The following SLC29A4 variants were observed in gnomAD, a reference collection of about 807,000 sequenced individuals.
SLC29A4 encodes the protein equilibrative nucleoside transporter 4.
In SLC29A4, 36 loss-of-function variants were observed where a neutral mutation model predicts 43.9. The observed-to-expected ratio is 0.82, with a 90% CI of 0.63 to 1.08. The LOEUF is 1.08. SLC29A4 is among the 50% of genes least tolerant of loss of function. The probability of loss-of-function intolerance (pLI) is 0.00; values close to 1 mark genes in which losing one functional copy is unlikely to be tolerated. For missense variants in SLC29A4, 869 were observed against 755.3 expected, an observed-to-expected ratio of 1.15 and a Z score of -1.77; for synonymous variants, 491 against 338.0, an observed-to-expected ratio of 1.45 and a Z score of -4.97.
rs554966514 is a variant in SLC29A4 at position 5,304,617 on chromosome 7, C to G, written c.*1678C>G. The G allele has an allele frequency of 6.6e-6, 1 of 152,302 alleles. No individual in the cohort carries two copies. The highest frequency in any genetic ancestry group is 2.4e-5 in the African/African-American group (1 of 41,486). 9.4% of individuals were successfully genotyped at this position (152,302 alleles called of 1,614,324 possible). A position where few individuals can be genotyped will look rare whatever the true frequency, so the allele number is the denominator to read the frequency against. On this transcript the variant is annotated 3_prime_UTR_variant, in exon 11 of 11. Transcript: ENST00000396872. ...CTCTGCCTTCCAGGTTCAAGCGATT[C>G]TCCTGCCTCAGCCTCTCAAGTAGCT...
At chr7:5,293,012 T>C (rs1167233336) in intron 5 of SLC29A4, among the ~76,000 whole-genome samples, 1 of 151,612 alleles carries the variant, frequency 6.6e-6, no homozygotes, top group East Asian at 1.9e-4. Context: ...ATAATGTTCT[T>C]TATAGCATTT....
chr7:5,294,705 G>A (rs1163419050), intron 5 of SLC29A4, among the ~76,000 whole-genome samples, 155 bp from the exon 6 acceptor site: 1 of 152,170 alleles, frequency 6.6e-6, no homozygotes, highest in Non-Finnish European at 1.5e-5. Flanking sequence ...ACACTGGCTG[G>A]TGTTCCTACT....
rs192605737 is a variant in SLC29A4 at position 5,304,182 on chromosome 7, C to G, written c.*1243C>G. ...CAGTCTTCCCATCTGTGAGGTGGGC[C>G]GGGTGGATCAGGGAGCAGGAGGGTG... is the stretch of plus-strand genomic sequence containing the variant. On this transcript the variant is annotated 3_prime_UTR_variant, in exon 11 of 11. Coordinates refer to ENST00000396872, the MANE Select transcript of SLC29A4 (RefSeq NM_153247.4). The G allele has an allele frequency of 1.3e-5, 2 of 152,520 alleles. No individual in the cohort carries two copies. The highest frequency in any genetic ancestry group is 3.9e-4 in the East Asian group (2 of 5,180). The allele number at this position is 152,520 out of a possible 1,614,324, so 9.4% of individuals were successfully genotyped here. A position where few individuals can be genotyped will look rare whatever the true frequency, so the allele number is the denominator to read the frequency against.
chr7:5,283,471 G>A (rs569583064), intron 1 of SLC29A4, among the ~76,000 whole-genome samples: 1 of 152,226 alleles, frequency 6.6e-6, no homozygotes, highest in South Asian at 2.1e-4. Flanking sequence ...CCTGGGCTCC[G>A]GGGTCACCTC....
chr7:5,291,504 C>T (rs192619447), intron 4 of SLC29A4, among the ~76,000 whole-genome samples, 189 bp from the exon 5 acceptor site: 22 of 152,350 alleles, frequency 1.4e-4, no homozygotes, highest in Admixed American at 1.2e-3. Context: ...AGCTTCAAGG[C>T]CCGGCTCAAA....
chr7:5,305,605 TG>T lies in SLC29A4; in HGVS notation c.*2668del, dbSNP rs1179962658. 2 of 145,882 alleles carry T rather than the reference TG, an allele frequency of 1.4e-5. No homozygotes were observed. The highest frequency in any genetic ancestry group is 1.4e-4 in the Admixed American group (2 of 13,906). 9.0% of individuals were successfully genotyped at this position (145,882 alleles called of 1,614,324 possible). On this transcript the variant is annotated 3_prime_UTR_variant, in exon 11 of 11. Coordinates refer to ENST00000396872, the MANE Select transcript of SLC29A4 (RefSeq NM_153247.4). Reference sequence around the variant, plus strand: ...GGAGTTTCGCTTTTGTTGCCCAGGCTGGAGTGCAATGGCTCGATTTCAGCTC... The same window carrying T: ...GGAGTTTCGCTTTTGTTGCCCAGGCTGAGTGCAATGGCTCGATTTCAGCTC...
Position 5,296,999 on chromosome 7 carries a change from G to C in SLC29A4, c.683G>C (p.Arg228Pro). The change falls in exon 7 of 11, where the codon CGC becomes CCC. Residue 228 changes from arginine (R) to proline (P), a missense_variant. Arg to Pro is a moderately radical substitution (Grantham distance 103). Coordinates refer to ENST00000396872, the MANE Select transcript of SLC29A4 (RefSeq NM_153247.4). ...ACGAAGCTGCTGCTGCCCGACGAGC[G>C]CGCCAGCACGCTCATCTTCTTCCTG... Reference protein sequence around the residue: ...ILTKLLLPDERASTLIFFLVS... With the variant: ...ILTKLLLPDEPASTLIFFLVS... 5 of 1,604,280 alleles carry C rather than the reference G, an allele frequency of 3.1e-6. No individual in the cohort carries two copies. Among genetic ancestry groups the C allele is most frequent in the Non-Finnish European group, 4.2e-6 (5 of 1,179,566 alleles).
rs560252743 is a variant in SLC29A4 at position 5,289,084 on chromosome 7, C to G, written c.169+1099C>G. Among the ~76,000 whole-genome samples, 5 of 152,258 alleles carry G rather than the reference C, an allele frequency of 3.3e-5. No homozygotes were observed. The East Asian group carries it at 9.6e-4, about 29-fold the overall frequency. ...CTTTTCTGGAGAGCTGCTGTTTATGCTAGTACTTTAGGCTCAGAAACCTGG... is the reference window on the plus strand; with the variant it reads ...CTTTTCTGGAGAGCTGCTGTTTATGGTAGTACTTTAGGCTCAGAAACCTGG... On this transcript the variant is annotated intron_variant, in intron 2 of 10. Transcript: ENST00000396872.
chr7:5,290,240 T>G (rs983354615), intron 2 of SLC29A4, among the ~76,000 whole-genome samples: 6 of 152,140 alleles, frequency 3.9e-5, no homozygotes, highest in Non-Finnish European at 7.4e-5. Flanking sequence ...TTTTTTTGTA[T>G]TTTTAGTAGA....
chr7:5,299,747 C>T (rs1052481700), intron 9 of SLC29A4, among the ~76,000 whole-genome samples: 1 of 152,280 alleles, frequency 6.6e-6, no homozygotes, highest in East Asian at 1.9e-4. Context: ...GGCAGGGACA[C>T]TCAGAAATGG....
intron 1 of SLC29A4, among the ~76,000 whole-genome samples, chr7:5,284,041 C>T (rs912477063): frequency 1.3e-4 from 9 of 67,570 alleles, no homozygotes; most frequent in East Asian, 5.1e-4. Context: ...GACCCCCCCC[C>T]CCACCCCCGA....
intron 1 of SLC29A4, among the ~76,000 whole-genome samples, chr7:5,284,044 A>T (rs115892289): frequency 7.2e-5 from 2 of 27,814 alleles, no homozygotes; most frequent in Non-Finnish European, 1.8e-4. Context: ...CCCCCCCCCC[A>T]CCCCCGACTT....
chr7:5,302,504 C>T (rs1216977887), intron 10 of SLC29A4, among the ~76,000 whole-genome samples: 1 of 152,180 alleles, frequency 6.6e-6, no homozygotes, highest in Non-Finnish European at 1.5e-5. Context: ...GGTTGTACCA[C>T]TGCACTCCGG....
chr7:5,297,511 G>T (rs1176957731), intron 7 of SLC29A4, among the ~76,000 whole-genome samples: 4 of 152,228 alleles, frequency 2.6e-5, no homozygotes, highest in Non-Finnish European at 4.4e-5. Flanking sequence ...TCCACATGAT[G>T]TACACTAAAG....
At chr7:5,296,299 G>A (rs1583667577) in intron 6 of SLC29A4, among the ~76,000 whole-genome samples, 1 of 151,454 alleles carries the variant, frequency 6.6e-6, no homozygotes, top group East Asian at 2.0e-4. Flanking sequence ...CCCACCCTGC[G>A]CCCGTGTGTC....
At chr7:5,298,593 A>G (rs1562453174) in intron 7 of SLC29A4, among the ~76,000 whole-genome samples, 1 of 152,078 alleles carries the variant, frequency 6.6e-6, no homozygotes, top group Non-Finnish European at 1.5e-5. Flanking sequence ...AGAGTTTGAG[A>G]TCAGCCTGGG....
Position 5,291,130 on chromosome 7 carries a change from C to G in SLC29A4, c.308C>G (p.Ser103Cys). The part of the protein sequence containing the change: ...DYLHHKYPGT[S>C]IVFDMSLTYI... Reference sequence around the variant, plus strand: ...TGTCTCTGGCCCTCTGCAGGGACCTCCATCGTGTTTGACATGAGCCTCACC... The same window carrying G: ...TGTCTCTGGCCCTCTGCAGGGACCTGCATCGTGTTTGACATGAGCCTCACC... The change falls in exon 4 of 11, where the codon TCC becomes TGC. Residue 103 changes from serine to cysteine, a missense_variant. Transcript: ENST00000396872. The G allele has an allele frequency of 1.2e-6, 2 of 1,613,794 alleles. No homozygotes were observed. Among genetic ancestry groups the G allele is most frequent in the Non-Finnish European group, 1.7e-6 (2 of 1,180,008 alleles).
chr7:5,291,020 C>T (rs1166281012), intron 3 of SLC29A4, 104 bp from the exon 4 acceptor site: 3 of 1,531,152 alleles, frequency 2.0e-6, no homozygotes, highest in Admixed American at 3.5e-5. Context: ...GGCAGCCACT[C>T]ACCCTCTGTG....
Position 5,304,628 on chromosome 7 carries a change from G to C in SLC29A4, c.*1689G>C, listed in dbSNP as rs1232950425. The C allele has an allele frequency of 6.6e-6, 1 of 152,112 alleles. No individual in the cohort carries two copies. Among genetic ancestry groups the C allele is most frequent in the African/African-American group, 2.4e-5 (1 of 41,328 alleles). 9.4% of individuals were successfully genotyped at this position (152,112 alleles called of 1,614,324 possible). A position where few individuals can be genotyped will look rare whatever the true frequency, so the allele number is the denominator to read the frequency against. On this transcript the variant is annotated 3_prime_UTR_variant, in exon 11 of 11. Transcript: ENST00000396872. ...AGGTTCAAGCGATTCTCCTGCCTCA[G>C]CCTCTCAAGTAGCTGGGATTACAGG...
Sources: gnomAD v4.1 joint callset for allele counts (sites outside exome capture counted in the v4.1 genomes callset) on GRCh38, gnomAD v4.1.1 for gene constraint, MANE v1.5 for transcripts, NCBI Gene and HGNC (gene_info 2026-07-23, HGNC 2026-07-21) for gene names.